The following ACOXL variants were observed in gnomAD, a reference collection of about 807,000 sequenced individuals.
ACOXL encodes the protein acyl-CoA oxidase like.
A neutral mutation model predicts 71.9 loss-of-function variants in ACOXL; 70 were observed. The observed-to-expected ratio is 0.97, with a 90% CI of 0.80 to 1.19. The LOEUF is 1.19. ACOXL is among the 50% of genes most tolerant of loss of function. The pLI is 0.00. For synonymous variants in ACOXL, 253 were observed against 281.6 expected, an observed-to-expected ratio of 0.90 and a Z score of 1.02; for missense variants, 703 against 736.3, an observed-to-expected ratio of 0.95 and a Z score of 0.52.
intron 17 of ACOXL, among the ~76,000 whole-genome samples, chr2:111,106,575 G>C (rs947548783): frequency 6.6e-6 from 1 of 152,060 alleles, no homozygotes; most frequent in Non-Finnish European, 1.5e-5. Flanking sequence ...ACATCTTCCT[G>C]GTTCTTGATA....
intron 10 of ACOXL, among the ~76,000 whole-genome samples, chr2:110,885,191 A>G (rs939407319): frequency 1.3e-5 from 2 of 152,220 alleles, no homozygotes; most frequent in African/African-American, 4.8e-5. Context: ...AGGGATGCTC[A>G]CATCAGTGTA....
At chr2:111,021,333 A>G (rs2064749736) in intron 14 of ACOXL, among the ~76,000 whole-genome samples, 1 of 152,216 alleles carries the variant, frequency 6.6e-6, no homozygotes, top group Non-Finnish European at 1.5e-5. Flanking sequence ...GTGGGAAACA[A>G]GCTGGGAACT....
intron 12 of ACOXL, among the ~76,000 whole-genome samples, chr2:110,980,412 AG>A (rs2062652546): frequency 6.6e-6 from 1 of 152,178 alleles, no homozygotes; most frequent in Non-Finnish European, 1.5e-5. Context: ...CATGTGGTGC[AG>A]GTGTGTGGGA....
intron 3 of ACOXL, among the ~76,000 whole-genome samples, chr2:110,789,924 A>T (rs1573525293): frequency 6.6e-6 from 1 of 152,214 alleles, no homozygotes; most frequent in African/African-American, 2.4e-5. Context: ...TGCCCATGGG[A>T]CAGACCTCAC....
At chr2:111,042,823 A>T (rs867134860) in intron 15 of ACOXL, among the ~76,000 whole-genome samples, 8 of 152,032 alleles carry the variant, frequency 5.3e-5, no homozygotes, top group Admixed American at 2.6e-4. Flanking sequence ...GGAGAAAGAG[A>T]CCCCAGAGTG....
intron 10 of ACOXL, among the ~76,000 whole-genome samples, chr2:110,858,570 G>A (rs1420087135): frequency 6.6e-6 from 1 of 152,208 alleles, no homozygotes; most frequent in Non-Finnish European, 1.5e-5. Flanking sequence ...TTCACAAGGC[G>A]TTGCTAGCCA....
At chr2:111,013,388 G>A (rs183066810) in intron 14 of ACOXL, among the ~76,000 whole-genome samples, 15 of 152,012 alleles carry the variant, frequency 9.9e-5, no homozygotes, top group African/African-American at 3.4e-4. Context: ...GCCAGGTGTT[G>A]TGGCGGGCAC....
At chr2:110,971,856 C>G (rs1288881226) in intron 12 of ACOXL, among the ~76,000 whole-genome samples, 1 of 152,190 alleles carries the variant, frequency 6.6e-6, no homozygotes, top group African/African-American at 2.4e-5. Context: ...TACATTAATT[C>G]ACATTCTCCA....
At chr2:110,943,081 AAGAG>A (rs1262393145) in intron 12 of ACOXL, among the ~76,000 whole-genome samples, 2 of 120,108 alleles carry the variant, frequency 1.7e-5, no homozygotes, top group Admixed American at 1.7e-4. Context: ...GGAAGAAAAG[AAGAG>A]AGGGAGGGAG....
intron 12 of ACOXL, among the ~76,000 whole-genome samples, chr2:110,974,518 T>C (rs1345650420): frequency 6.6e-6 from 1 of 152,236 alleles, no homozygotes; most frequent in Non-Finnish European, 1.5e-5. Context: ...TAACTTTCTT[T>C]TGCTTCATTA....
chr2:110,790,759 A>G (rs1415920512), intron 3 of ACOXL, among the ~76,000 whole-genome samples: 1 of 151,980 alleles, frequency 6.6e-6, no homozygotes, highest in Non-Finnish European at 1.5e-5. Context: ...TGATCGGTTG[A>G]TGCCTACCTC....
intron 10 of ACOXL, among the ~76,000 whole-genome samples, chr2:110,865,986 G>A (rs1479439614): frequency 4.0e-5 from 6 of 151,888 alleles, no homozygotes; most frequent in African/African-American, 1.5e-4. Flanking sequence ...CTGTTTCAAT[G>A]ACAAAATAAA....
chr2:110,799,665 T>A (rs1364643890), intron 7 of ACOXL, among the ~76,000 whole-genome samples: 2 of 152,210 alleles, frequency 1.3e-5, no homozygotes, highest in African/African-American at 4.8e-5. Flanking sequence ...AACTTCCTGG[T>A]TCCAGAGGGG....
chr2:111,106,590 G>C (rs2069555265), intron 17 of ACOXL, among the ~76,000 whole-genome samples: 1 of 152,162 alleles, frequency 6.6e-6, no homozygotes, highest in African/African-American at 2.4e-5. Flanking sequence ...TTGATAGGAA[G>C]TGACTTTTGA....
At chr2:110,984,939 A>G (rs1016145638) in intron 12 of ACOXL, among the ~76,000 whole-genome samples, 3 of 152,216 alleles carry the variant, frequency 2.0e-5, no homozygotes, top group South Asian at 2.1e-4. Context: ...AAGCCAGTAA[A>G]CAAGTTGTGG....
rs753215602 is a variant in ACOXL at position 110,793,721 on chromosome 2, G to T, written c.231G>T (p.Trp77Cys). 1.9e-6 allele frequency: 3 copies of T among 1,613,848 alleles called. No homozygotes were observed. In the East Asian group the frequency reaches 6.7e-5, roughly 36 times the overall value. The stretch of plus-strand genomic sequence containing the variant: ...GAAGCCCTGAACATGTTACTAAGTG[G>T]TTTCAGCCACTCCAGGTATGGTATT... ...NLGSPEHVTK[W>C]FQPLQEQKYT... is the part of the protein sequence containing the mutation. Residue 77 changes from tryptophan (W) to cysteine (C), a missense_variant, in exon 4 of 18, where the codon TGG (tryptophan) becomes TGT (cysteine). Physicochemically the swap from Trp to Cys is radical, Grantham distance 215. Coordinates refer to ENST00000439055, the MANE Select transcript of ACOXL (RefSeq NM_001142807.4).
At chr2:111,069,751 G>A (rs1304047826) in intron 16 of ACOXL, among the ~76,000 whole-genome samples, 1 of 152,094 alleles carries the variant, frequency 6.6e-6, no homozygotes, top group Non-Finnish European at 1.5e-5. Flanking sequence ...CTGGCCATAT[G>A]CTCCTCCATG....
intron 10 of ACOXL, among the ~76,000 whole-genome samples, chr2:110,883,107 GTT>G (rs34915436): frequency 1.0e-4 from 11 of 109,264 alleles, no homozygotes; most frequent in African/African-American, 3.8e-4. Context: ...TTTGTCACTG[GTT>G]TTTTTTTTTT....
Position 110,820,079 on chromosome 2 carries a change from C to T in ACOXL, c.753+14684C>T, listed in dbSNP as rs139948324. 6.8e-4 allele frequency among the ~76,000 whole-genome samples: 103 copies of T among 152,238 alleles called. 4 individuals are homozygous for T. The East Asian group carries it at 0.015, about 22-fold the overall frequency. On this transcript the variant is annotated intron_variant, in intron 9 of 17. Coordinates refer to ENST00000439055, the MANE Select transcript of ACOXL (RefSeq NM_001142807.4). ...GCTCCTCCATAGACTTCCGTGTGGT[C>T]GTGGTTATTTCCCAACATTCCCTAG...
Sources: allele counts gnomAD v4.1 joint callset (sites outside exome capture counted in the v4.1 genomes callset), GRCh38; gene constraint gnomAD v4.1.1; transcripts MANE v1.5; gene names NCBI Gene and HGNC (gene_info 2026-07-23, HGNC 2026-07-21).